The following EPG5 variants were observed in gnomAD, a reference collection of about 807,000 sequenced individuals.
EPG5 encodes the protein ectopic P granules protein 5 homolog.
EPG5 carries 159 observed loss-of-function variants against 302.7 expected under a neutral mutation model. The ratio of observed to expected loss-of-function variants is 0.53; its 90% CI spans 0.46 to 0.60. The LOEUF is 0.60. Ranked by LOEUF, EPG5 falls within the 20% of genes least tolerant of loss-of-function variation. The pLI, the probability that EPG5 is intolerant of heterozygous loss-of-function variation, is 0.00. For missense variants in EPG5, 2,896 were observed against 3,092.4 expected (o/e 0.94, Z 1.51); for synonymous variants, 1,158 against 1,136.8 (o/e 1.02, Z -0.37).
At chr18:45,813,293 T>C in the EPG5 span, among the ~76,000 whole-genome samples, 1 of 152,110 alleles carries the variant, frequency 6.6e-6, no homozygotes, top group South Asian at 2.1e-4. Context: ...TGTGGAGAAA[T>C]AGGAACACTT....
chr18:45,949,504 A>C lies in EPG5; in HGVS notation c.1477T>G (p.Trp493Gly). The C allele has an allele frequency of 1.2e-6, 2 of 1,611,350 alleles. No homozygotes were observed. Among genetic ancestry groups the C allele is most frequent in the Non-Finnish European group, 1.7e-6 (2 of 1,177,828 alleles). ...CATACCTGGATAAAAGGAACAGCCCATTTACTAACACCAGCGGGGCATCGA... is the reference window on the plus strand; with the variant it reads ...CATACCTGGATAAAAGGAACAGCCCCTTTACTAACACCAGCGGGGCATCGA... Reference protein sequence around the residue: ...ILRCPAGVSKWAVPFIQIKVL... With the variant: ...ILRCPAGVSKGAVPFIQIKVL... The change falls in exon 5 of 44, where the codon TGG becomes GGG. Residue 493 changes from tryptophan (W) to glycine (G), a missense_variant. Physicochemically the swap from Trp to Gly is radical, Grantham distance 184. This residue lies in a region of EPG5 where 1,390 missense variants were observed against 1,430.0 expected (regional missense o/e 0.97). Transcript: ENST00000282041.
chr18:45,808,418 C>T, the EPG5 span, among the ~76,000 whole-genome samples: 56 of 152,210 alleles, frequency 3.7e-4, no homozygotes, highest in African/African-American at 1.3e-3. Flanking sequence ...TACCTATGCA[C>T]GTTGTCAACA....
At chr18:45,904,504 T>C (rs139018183) in intron 24 of EPG5, among the ~76,000 whole-genome samples, 284 of 152,264 alleles carry the variant, frequency 1.9e-3, no homozygotes, top group African/African-American at 6.4e-3. Context: ...AATCCAACTA[T>C]CAATTTACAG....
chr18:45,870,789 A>C (rs1334435781), intron 35 of EPG5, 47 bp from the exon 36 acceptor site: 3 of 23,110 alleles, frequency 1.3e-4, no homozygotes, highest in Non-Finnish European at 1.7e-4. Context: ...GGTTTACCTT[A>C]AAAAAAAAAA....
At chr18:45,945,509 G>A (rs553529309) in intron 7 of EPG5, among the ~76,000 whole-genome samples, 5 of 152,254 alleles carry the variant, frequency 3.3e-5, no homozygotes, top group Admixed American at 1.3e-4. Context: ...ACAGGAGCCA[G>A]GCACCAATGC....
the EPG5 span, chr18:45,837,733 C>T: frequency 2.0e-6 from 3 of 1,506,386 alleles, no homozygotes; most frequent in Non-Finnish European, 2.6e-6. Context: ...TGAGCCTGCA[C>T]GGCCGCTTCC....
intron 36 of EPG5, chr18:45,868,117 T>C (rs2048786458): frequency 6.5e-6 from 3 of 459,678 alleles, no homozygotes; most frequent in Non-Finnish European, 1.3e-5. Context: ...TGAAATTTAC[T>C]AGTCAGTAGT....
At chr18:45,903,942 A>C in intron 25 of EPG5, 31 bp downstream of exon 25, 4 of 1,581,330 alleles carry the variant, frequency 2.5e-6, no homozygotes, top group Non-Finnish European at 3.4e-6. Context: ...TCATTCACTC[A>C]TTCGAAGGGG....
the EPG5 span, among the ~76,000 whole-genome samples, chr18:45,819,845 A>G: frequency 6.6e-6 from 1 of 152,238 alleles, no homozygotes; most frequent in Non-Finnish European, 1.5e-5. Context: ...CCAAAATAAA[A>G]AGATCATGCT....
chr18:45,888,164 G>T (rs532001999), intron 28 of EPG5, among the ~76,000 whole-genome samples: 3 of 151,960 alleles, frequency 2.0e-5, no homozygotes, highest in African/African-American at 7.2e-5. Flanking sequence ...GGAGTGCAAT[G>T]GTGTGATCTC....
the EPG5 span, among the ~76,000 whole-genome samples, chr18:45,818,574 C>T: frequency 4.5e-4 from 69 of 152,172 alleles, no homozygotes; most frequent in African/African-American, 1.6e-3. Flanking sequence ...CCATTAAGTA[C>T]ATTTATCAGC....
At position 45,944,118 on chromosome 18, in the gene EPG5, T is replaced by A. The variant is rs1324444702; in HGVS notation, c.1679A>T (p.Asp560Val). 1 of 1,599,618 alleles carries A rather than the reference T, an allele frequency of 6.3e-7. No individual in the cohort carries two copies. The highest frequency in any genetic ancestry group is 8.6e-7 in the Non-Finnish European group (1 of 1,167,044). The change falls in exon 8 of 44, where the codon GAT (aspartate) becomes GTT (valine). Residue 560 changes from aspartate (D) to valine (V), a missense_variant and splice_region_variant. Asp to Val is a radical substitution (Grantham distance 152). This residue lies in a region of EPG5 where 1,390 missense variants were observed against 1,430.0 expected (regional missense o/e 0.97). Transcript: ENST00000282041. ...AATCCAACTGGTCTCAGGGTCTTCA[T>A]CCTAAGGGAAAAGACAAAAAATCAT... ...WTLVDEGGEE[D>V]EDPETSWILL...
chr18:45,868,249 G>A, intron 36 of EPG5: 2 of 449,900 alleles, frequency 4.4e-6, no homozygotes, highest in East Asian at 7.0e-5. Context: ...TAAGTTCCCA[G>A]GTAATGCTGA....
rs188529439 is a variant in EPG5, at chr18:45,880,791, T to C, written c.5519-568A>G. Reference sequence around the variant, plus strand: ...CCCACAGGACAGGAATAATATCTCCTAAAGTACTTTCCACCCAGAGCGAAC... The same window carrying C: ...CCCACAGGACAGGAATAATATCTCCCAAAGTACTTTCCACCCAGAGCGAAC... On this transcript the variant is annotated intron_variant, in intron 31 of 43. Transcript: ENST00000282041. Among the ~76,000 whole-genome samples the C allele has an allele frequency of 2.0e-4, 30 of 152,270 alleles. No individual in the cohort carries two copies. The East Asian group carries it at 5.6e-3, about 28-fold the overall frequency.
At chr18:45,903,439 G>C (rs908991583) in intron 25 of EPG5, among the ~76,000 whole-genome samples, 4 of 152,168 alleles carry the variant, frequency 2.6e-5, no homozygotes, top group African/African-American at 9.6e-5. Flanking sequence ...GAATAAGAAG[G>C]TATTCTGCAT....
In EPG5 at chr18:45,930,510, A is replaced by G. The variant is rs547678729; in HGVS notation, c.2412+166T>C. On this transcript the variant is annotated intron_variant, in intron 12 of 43. Coordinates refer to ENST00000282041, the MANE Select transcript of EPG5 (RefSeq NM_020964.3). ...AATGGATATAATTCACATTTTCAAT[A>G]ATCCCTGTAGCAAAATAATGTTCCA... Among the ~76,000 whole-genome samples, 19 of 152,352 alleles carry G rather than the reference A, an allele frequency of 1.2e-4. No individual in the cohort carries two copies. In the South Asian group the frequency reaches 3.9e-3, roughly 32 times the overall value.
At chr18:45,830,723 CT>C in the EPG5 span, among the ~76,000 whole-genome samples, 232 of 149,006 alleles carry the variant, frequency 1.6e-3, 2 homozygotes, top group African/African-American at 5.2e-3. Context: ...GTAGCTGGAA[CT>C]ACAGGCACCC....
intron 1 of EPG5, 39 bp downstream of exon 1, chr18:45,967,138 A>C (rs2051283166): frequency 1.9e-6 from 3 of 1,543,720 alleles, no homozygotes; most frequent in Non-Finnish European, 2.6e-6. Flanking sequence ...GAGACACAGC[A>C]CACTGCCAGA....
At chr18:45,899,273 C>T in intron 27 of EPG5, 131 bp downstream of exon 27, 1 of 1,034,962 alleles carries the variant, frequency 9.7e-7, no homozygotes, top group Non-Finnish European at 1.4e-6. Flanking sequence ...TGTTTTCATG[C>T]CCTGCAAAAC....
Sources: gnomAD v4.1 joint callset for allele counts (sites outside exome capture counted in the v4.1 genomes callset) on GRCh38, gnomAD v4.1.1 for gene constraint, gnomAD v4.1.1 regional missense constraint, MANE v1.5 for transcripts, NCBI Gene and HGNC (gene_info 2026-07-23, HGNC 2026-07-21) for gene names.